Variants in FHIP1A observed in about 807,000 individuals in gnomAD.
FHIP1A encodes FHF complex subunit HOOK interacting protein 1A.
FHIP1A carries 61 observed loss-of-function variants against 88.6 expected under a neutral mutation model. That is an observed-to-expected ratio of 0.69 (90% CI 0.56 to 0.85). The LOEUF is 0.85. FHIP1A is among the 40% of genes least tolerant of loss of function. The pLI is 0.00. For synonymous variants in FHIP1A, 478 were observed against 496.0 expected (o/e 0.96, Z 0.48); for missense variants, 1,154 against 1,273.5 (o/e 0.91, Z 1.43).
At chr4:151,538,546 T>C (rs572449292) in intron 3 of FHIP1A, among the ~76,000 whole-genome samples, 1 of 152,290 alleles carries the variant, frequency 6.6e-6, no homozygotes, top group South Asian at 2.1e-4. Context: ...ATGCTAAAGT[T>C]TTTGAATAGT....
intron 3 of FHIP1A, among the ~76,000 whole-genome samples, chr4:151,535,605 A>T (rs548819394): frequency 6.6e-6 from 1 of 152,328 alleles, no homozygotes; most frequent in South Asian, 2.1e-4. Context: ...ACACACAGAA[A>T]TGTGTGTTTA....
intron 3 of FHIP1A, among the ~76,000 whole-genome samples, chr4:151,548,618 A>G (rs761820130): frequency 3.9e-5 from 6 of 152,168 alleles, no homozygotes; most frequent in Non-Finnish European, 8.8e-5. Context: ...TGAAATGGCA[A>G]TGTCAGAAAC....
At chr4:151,446,534 A>G (rs1272149576) in intron 1 of FHIP1A, among the ~76,000 whole-genome samples, 2 of 105,922 alleles carry the variant, frequency 1.9e-5, no homozygotes, top group Admixed American at 9.8e-5. Context: ...GGCAGTGCTT[A>G]TATCCAGTAG....
intron 1 of FHIP1A, among the ~76,000 whole-genome samples, chr4:151,435,373 T>C (rs1728124481): frequency 6.6e-6 from 1 of 152,168 alleles, no homozygotes; most frequent in Non-Finnish European, 1.5e-5. Flanking sequence ...GGTATATAAA[T>C]CTTATAAATA....
chr4:151,537,716 T>C (rs1392709363), intron 3 of FHIP1A, among the ~76,000 whole-genome samples: 1 of 152,210 alleles, frequency 6.6e-6, no homozygotes, highest in Non-Finnish European at 1.5e-5. Flanking sequence ...CCCTCTAACA[T>C]TGGTCATAAT....
intron 1 of FHIP1A, among the ~76,000 whole-genome samples, chr4:151,412,126 G>A (rs1057436174): frequency 6.6e-6 from 1 of 152,176 alleles, no homozygotes; most frequent in African/African-American, 2.4e-5. Flanking sequence ...TTTTTGAGAC[G>A]GAGTTTCACT....
chr4:151,417,016 C>T (rs1336596960), intron 1 of FHIP1A, among the ~76,000 whole-genome samples: 1 of 152,114 alleles, frequency 6.6e-6, no homozygotes, highest in Admixed American at 6.6e-5. Flanking sequence ...AACTCCCCGG[C>T]CCAAGAGATT....
At chr4:151,483,573 A>G (rs1729976306) in intron 3 of FHIP1A, among the ~76,000 whole-genome samples, 2 of 152,278 alleles carry the variant, frequency 1.3e-5, no homozygotes, top group South Asian at 2.1e-4. Flanking sequence ...CAAAACAGCT[A>G]TTTATGATTG....
At chr4:151,536,923 G>C (rs1732090792) in intron 3 of FHIP1A, among the ~76,000 whole-genome samples, 1 of 152,098 alleles carries the variant, frequency 6.6e-6, no homozygotes, top group Non-Finnish European at 1.5e-5. Context: ...TGCCCAGGCT[G>C]GAGTACAGTG....
At chr4:151,503,224 A>G (rs952626145) in intron 3 of FHIP1A, among the ~76,000 whole-genome samples, 1 of 152,172 alleles carries the variant, frequency 6.6e-6, no homozygotes, top group Non-Finnish European at 1.5e-5. Context: ...GGGGCTTTTA[A>G]AGGGAGAACT....
At chr4:151,652,612 C>G (rs192519337) in intron 11 of FHIP1A, among the ~76,000 whole-genome samples, 1 of 152,326 alleles carries the variant, frequency 6.6e-6, no homozygotes, top group East Asian at 1.9e-4. Context: ...AAGAAGTGTA[C>G]TCTTAGTGGG....
intron 1 of FHIP1A, among the ~76,000 whole-genome samples, chr4:151,451,423 T>G (rs1044463381): frequency 6.6e-6 from 1 of 152,208 alleles, no homozygotes; most frequent in Non-Finnish European, 1.5e-5. Flanking sequence ...AAGCAGGAGT[T>G]CATTTTGGTA....
chr4:151,452,951 T>TATATATATATATATATATATAC (rs1266623899), intron 1 of FHIP1A, among the ~76,000 whole-genome samples: 16 of 119,404 alleles, frequency 1.3e-4, no homozygotes, highest in African/African-American at 4.1e-4. Context: ...TATATATATA[T>TATATATATATATATATATATAC]ACATACACAC....
Position 151,582,396 on chromosome 4 carries a change from C to T in FHIP1A, c.733-4245C>T, listed in dbSNP as rs531790624. ...TCATCTTTCTTTCCTTCATTGGAAA[C>T]ATTTCTGTGCGTAAAACATTATGCT... On this transcript the variant is annotated intron_variant, in intron 5 of 13. Transcript: ENST00000435205. Among the ~76,000 whole-genome samples the T allele has an allele frequency of 6.8e-4, 103 of 151,634 alleles. 2 individuals are homozygous for T. Among genetic ancestry groups the T allele is most frequent in the Non-Finnish European group, 1.4e-3 (92 of 67,922 alleles).
chr4:151,481,437 G>T (rs1163088589), intron 2 of FHIP1A, among the ~76,000 whole-genome samples: 1 of 151,886 alleles, frequency 6.6e-6, no homozygotes, highest in Non-Finnish European at 1.5e-5. Flanking sequence ...ATGTGGTTGT[G>T]GCAAATTTAC....
intron 7 of FHIP1A, among the ~76,000 whole-genome samples, chr4:151,622,099 TG>T (rs1429569534): frequency 1.3e-5 from 2 of 152,168 alleles, no homozygotes; most frequent in Non-Finnish European, 2.9e-5. Context: ...GCAGGTCAGT[TG>T]TAGTCATTTC....
intron 7 of FHIP1A, among the ~76,000 whole-genome samples, chr4:151,594,582 CTTT>C (rs199696936): frequency 6.9e-6 from 1 of 145,370 alleles, no homozygotes; most frequent in African/African-American, 2.5e-5. Flanking sequence ...TCCCCTTTGT[CTTT>C]TTTTTTTTTG....
chr4:151,562,696 G>C (rs1578756117), intron 3 of FHIP1A, among the ~76,000 whole-genome samples: 1 of 152,154 alleles, frequency 6.6e-6, no homozygotes, highest in South Asian at 2.1e-4. Context: ...TATAATTTAA[G>C]TTTAGTCTGA....
At chr4:151,415,688 T>C (rs1427280443) in intron 1 of FHIP1A, among the ~76,000 whole-genome samples, 1 of 152,242 alleles carries the variant, frequency 6.6e-6, no homozygotes, top group Non-Finnish European at 1.5e-5. Flanking sequence ...TCATTTTTAG[T>C]TATATGAACA....
Sources: gnomAD v4.1 joint callset for allele counts (sites outside exome capture counted in the v4.1 genomes callset) on GRCh38, gnomAD v4.1.1 for gene constraint, MANE v1.5 for transcripts, NCBI Gene and HGNC (gene_info 2026-07-23, HGNC 2026-07-21) for gene names.